MRAS: variants seen among roughly 807,000 people sequenced by gnomAD.
MRAS encodes ras-related protein M-Ras.
Under a neutral mutation model 20.9 loss-of-function variants are expected in MRAS, and 4 were observed. The ratio of observed to expected loss-of-function variants is 0.19; its 90% CI spans 0.09 to 0.44. The LOEUF (loss-of-function observed/expected upper bound fraction) is 0.44, where lower values mean the gene tolerates loss of function less well. MRAS is among the 20% of genes least tolerant of loss of function. The pLI, the probability that MRAS is intolerant of heterozygous loss-of-function variation, is 0.99. For missense variants in MRAS, 154 were observed against 277.5 expected, an observed-to-expected ratio of 0.56 and a Z score of 3.16; for synonymous variants, 98 against 102.9, an observed-to-expected ratio of 0.95 and a Z score of 0.29.
intron 2 of MRAS, among the ~76,000 whole-genome samples, chr3:138,391,905 C>T (rs768609476): frequency 6.6e-6 from 1 of 152,048 alleles, no homozygotes; most frequent in East Asian, 1.9e-4. Context: ...TTTGGGAGGC[C>T]GAGGCAGGTG....
chr3:138,398,422 G>A (rs764687581), intron 3 of MRAS, 47 bp from the exon 4 acceptor site: 1 of 1,526,072 alleles, frequency 6.6e-7, no homozygotes, highest in Non-Finnish European at 9.1e-7. Context: ...AACCAGGTGT[G>A]AGGGGTGGTG....
upstream of MRAS, chr3:138,348,492 G>A (rs1003652095): frequency 1.3e-5 from 2 of 152,030 alleles, no homozygotes; most frequent in African/African-American, 4.8e-5. Flanking sequence ...CACCCGGCCC[G>A]GGCTCCCCAC....
Position 138,402,850 on chromosome 3 carries a change from C to G in MRAS, c.*581C>G, listed in dbSNP as rs1199332. The G allele has an allele frequency of 0.092, 14,039 of 152,556 alleles. 1,689 individuals are homozygous for G. The highest frequency in any genetic ancestry group is 0.28 in the African/African-American group (11,448 of 41,440). The allele number at this position is 152,556 out of a possible 1,614,324, so 9.5% of individuals were successfully genotyped here. A position where few individuals can be genotyped will look rare whatever the true frequency, so the allele number is the denominator to read the frequency against. On this transcript the variant is annotated 3_prime_UTR_variant, in exon 6 of 6. Transcript: ENST00000423968. ...CCGAGTTTTCCCATCAGTGCCAAAACTCAACTCAATCTGAAAGTAGAGTGT... is the reference window on the plus strand; with the variant it reads ...CCGAGTTTTCCCATCAGTGCCAAAAGTCAACTCAATCTGAAAGTAGAGTGT...
intron 2 of MRAS, among the ~76,000 whole-genome samples, chr3:138,382,651 A>T (rs946182163): frequency 9.9e-5 from 15 of 152,158 alleles, no homozygotes; most frequent in African/African-American, 3.6e-4. Context: ...GAGTCAGCTC[A>T]GTGAGGCTTG....
chr3:138,367,252 G>A (rs897796414), intron 1 of MRAS, among the ~76,000 whole-genome samples: 1 of 152,150 alleles, frequency 6.6e-6, no homozygotes, highest in African/African-American at 2.4e-5. Context: ...GGCCCTCCAA[G>A]TTTTTCTCAC....
At chr3:138,396,014 G>A (rs931961833) in intron 2 of MRAS, among the ~76,000 whole-genome samples, 1 of 152,196 alleles carries the variant, frequency 6.6e-6, no homozygotes, top group Non-Finnish European at 1.5e-5. Flanking sequence ...AAGTGTTCCC[G>A]GAAGGGTTGG....
intron 1 of MRAS, among the ~76,000 whole-genome samples, chr3:138,362,203 C>T (rs527816403): frequency 1.6e-4 from 24 of 152,286 alleles, no homozygotes; most frequent in African/African-American, 5.8e-4. Flanking sequence ...CCCTTACCAA[C>T]TCCTCGGTTC....
At chr3:138,381,063 A>G (rs1678440) in intron 2 of MRAS, among the ~76,000 whole-genome samples, 27,479 of 152,024 alleles carry the variant, frequency 0.18, 3,277 homozygotes, top group African/African-American at 0.34. Flanking sequence ...ATGAGCCGCC[A>G]CGCCCGGCCT....
At chr3:138,371,079 T>C (rs1038762631) in intron 1 of MRAS, among the ~76,000 whole-genome samples, 4 of 152,212 alleles carry the variant, frequency 2.6e-5, no homozygotes, top group African/African-American at 4.8e-5. Context: ...ACTTCTCTGA[T>C]TATCTCCTTA....
intron 2 of MRAS, among the ~76,000 whole-genome samples, chr3:138,373,794 G>A (rs1283356285): frequency 2.0e-5 from 3 of 152,192 alleles, no homozygotes; most frequent in African/African-American, 7.2e-5. Context: ...TTGGGATTGT[G>A]TTGAAACTGT....
chr3:138,377,024 A>C (rs1334034884), intron 2 of MRAS, among the ~76,000 whole-genome samples: 2 of 152,184 alleles, frequency 1.3e-5, no homozygotes, highest in Non-Finnish European at 2.9e-5. Flanking sequence ...TCTGAGGAAA[A>C]ATGTTTTCCT....
chr3:138,385,260 C>T (rs958304172), intron 2 of MRAS, among the ~76,000 whole-genome samples: 3 of 147,714 alleles, frequency 2.0e-5, no homozygotes, highest in South Asian at 2.1e-4. Context: ...CTTGACCTCC[C>T]GCAGTCCTCC....
At chr3:138,393,058 A>G (rs565221621) in intron 2 of MRAS, among the ~76,000 whole-genome samples, 59 of 152,130 alleles carry the variant, frequency 3.9e-4, no homozygotes, top group Admixed American at 6.6e-4. Context: ...GTATTTTTCT[A>G]TCAGCATCTA....
At chr3:138,349,106 T>C (rs1162350981) in intron 1 of MRAS, 1 of 1,326 alleles carries the variant, frequency 7.5e-4, no homozygotes, top group South Asian at 0.019. Flanking sequence ...CGGCGGGGGA[T>C]GGGTGGGTGG....
In MRAS at chr3:138,394,176, G is replaced by A. The variant is rs572885642; in HGVS notation, c.194-3148G>A. ...CCTCCTGGGAAATACTGGGGAAACT[G>A]CCCGGTCCTTGGCTGTAGGTCCTGC... On this transcript the variant is annotated intron_variant, in intron 2 of 5. Coordinates refer to ENST00000423968, the MANE Select transcript of MRAS (RefSeq NM_001085049.3). Among the ~76,000 whole-genome samples, 227 of 151,630 alleles carry A rather than the reference G, an allele frequency of 1.5e-3. 1 individual carries two copies. Among genetic ancestry groups the A allele is most frequent in the African/African-American group, 4.6e-3 (188 of 41,308 alleles).
intron 2 of MRAS, 62 bp from the exon 3 acceptor site, chr3:138,397,262 G>T: frequency 6.3e-7 from 1 of 1,579,792 alleles, no homozygotes. Context: ...TTGGAGTCTT[G>T]CAGGCTGTGG....
intron 2 of MRAS, among the ~76,000 whole-genome samples, chr3:138,389,200 T>C (rs1253159704): frequency 6.6e-6 from 1 of 152,112 alleles, no homozygotes; most frequent in East Asian, 1.9e-4. Context: ...GGGGGCTGTT[T>C]TAACCCAGTG....
At chr3:138,354,385 C>T (rs927274476) in intron 1 of MRAS, among the ~76,000 whole-genome samples, 3 of 152,232 alleles carry the variant, frequency 2.0e-5, no homozygotes, top group Admixed American at 6.5e-5. Flanking sequence ...CATCCTTTGC[C>T]CTGGCCAGTT....
At chr3:138,372,482 A>T (rs1347937377) in intron 1 of MRAS, among the ~76,000 whole-genome samples, 1 of 152,148 alleles carries the variant, frequency 6.6e-6, no homozygotes, top group African/African-American at 2.4e-5. Context: ...ATAAGAGGGG[A>T]TGTGAAAGAT....
Sources: allele counts gnomAD v4.1 joint callset (sites outside exome capture counted in the v4.1 genomes callset), GRCh38; gene constraint gnomAD v4.1.1; transcripts MANE v1.5; gene names NCBI Gene and HGNC (gene_info 2026-07-23, HGNC 2026-07-21).